The following RPIA variants were observed in gnomAD, a reference collection of about 807,000 sequenced individuals.
The protein encoded by RPIA is ribose-5-phosphate isomerase.
RPIA carries 29 observed loss-of-function variants against 37.8 expected under a neutral mutation model. That is an observed-to-expected ratio of 0.77 (90% confidence interval 0.57 to 1.05). RPIA has a LOEUF of 1.05. Ranked by LOEUF, RPIA falls within the 50% of genes least tolerant of loss-of-function variation. RPIA has a pLI of 0.00. For synonymous variants in RPIA, 167 were observed against 157.0 expected, an observed-to-expected ratio of 1.06 and a Z score of -0.48; for missense variants, 385 against 413.6, an observed-to-expected ratio of 0.93 and a Z score of 0.60.
intron 3 of RPIA, among the ~76,000 whole-genome samples, chr2:88,725,023 G>A (rs985604673): frequency 6.6e-6 from 1 of 152,210 alleles, no homozygotes; most frequent in Non-Finnish European, 1.5e-5. Context: ...ATCATGAGAC[G>A]TTTAGAGGTA....
chr2:88,747,745 G>T (rs1020947596), intron 8 of RPIA, among the ~76,000 whole-genome samples: 5 of 152,278 alleles, frequency 3.3e-5, no homozygotes, highest in South Asian at 2.1e-4. Flanking sequence ...GATTTTTCAG[G>T]TTCCCCGGTG....
At chr2:88,748,707 T>G (rs1165747829) in intron 8 of RPIA, among the ~76,000 whole-genome samples, 1 of 152,152 alleles carries the variant, frequency 6.6e-6, no homozygotes, top group Non-Finnish European at 1.5e-5. Flanking sequence ...TCTTTTAGTT[T>G]TTTCTCTTTC....
chr2:88,728,923 T>C (rs1275326125), intron 3 of RPIA, among the ~76,000 whole-genome samples: 3 of 152,256 alleles, frequency 2.0e-5, no homozygotes, highest in African/African-American at 7.2e-5. Flanking sequence ...TTTAAAACCT[T>C]TGTAGTAAGT....
intron 3 of RPIA, among the ~76,000 whole-genome samples, chr2:88,705,609 A>C (rs1672888574): frequency 1.3e-5 from 2 of 152,218 alleles, no homozygotes; most frequent in African/African-American, 4.8e-5. Flanking sequence ...GAAAAACACT[A>C]TAAAAACCCT....
At chr2:88,705,865 AAAAC>A (rs1573462719) in intron 3 of RPIA, among the ~76,000 whole-genome samples, 2 of 152,232 alleles carry the variant, frequency 1.3e-5, no homozygotes, top group African/African-American at 2.4e-5. Context: ...TTATAAGAAA[AAAAC>A]AAACAGTCCT....
rs775240397 is a variant in RPIA, at chr2:88,691,716, C to T, written c.18C>T (p.Pro6=). 5.0e-6 allele frequency: 8 copies of T among 1,588,434 alleles called. No individual in the cohort carries two copies. Among genetic ancestry groups the T allele is most frequent in the Non-Finnish European group, 6.8e-6 (8 of 1,173,428 alleles). Residue 6 remains proline, a synonymous_variant, in exon 1 of 9, where the codon CCC becomes CCT. Transcript: ENST00000283646. MQRPG[P]FSTLYGRVLA... The stretch of plus-strand genomic sequence containing the variant: ...GCGTCGGGATGCAGCGCCCCGGGCC[C>T]TTCAGCACCCTCTACGGGCGGGTCT...
intron 3 of RPIA, among the ~76,000 whole-genome samples, chr2:88,720,616 TTAAA>T (rs1368165297): frequency 2.0e-4 from 30 of 149,420 alleles, no homozygotes; most frequent in African/African-American, 6.6e-4. Context: ...TAAATATAGT[TTAAA>T]TATATATTAT....
chr2:88,750,372 A>T lies in RPIA; in HGVS notation c.*294A>T. ...AAATATTTACCAAAAAAAAAAAATG[A>T]GGTAAACTGTATTTAAAACCTTTGA... On this transcript the variant is annotated 3_prime_UTR_variant, in exon 9 of 9. Coordinates refer to ENST00000283646, the MANE Select transcript of RPIA (RefSeq NM_144563.3). The T allele has an allele frequency of 7.3e-6, 3 of 413,718 alleles. No homozygotes were observed. The highest frequency in any genetic ancestry group is 8.5e-6 in the Non-Finnish European group (2 of 234,016). The allele number at this position is 413,718 out of a possible 1,614,324, so 25.6% of individuals were successfully genotyped here.
intron 2 of RPIA, 57 bp from the exon 3 acceptor site, chr2:88,699,947 TATGAC>T: frequency 6.4e-7 from 1 of 1,551,410 alleles, no homozygotes; most frequent in Non-Finnish European, 8.9e-7. Context: ...AGCAAACACA[TATGAC>T]AAGAAGAATA....
chr2:88,695,221 T>G (rs1203607143), intron 1 of RPIA, among the ~76,000 whole-genome samples: 1 of 152,178 alleles, frequency 6.6e-6, no homozygotes, highest in Non-Finnish European at 1.5e-5. Flanking sequence ...AGCAAGTTAA[T>G]CAAACCCAAA....
rs746009792 is a variant in RPIA, at chr2:88,736,513, C to T, written c.597-22C>T. 1.2e-5 allele frequency: 20 copies of T among 1,613,896 alleles called. No homozygotes were observed. The Admixed American group carries it at 3.3e-4, about 27-fold the overall frequency. ...GTTGAGCTTATTTACTTTTATTGTA[C>T]TTTCTGACTCCTTCTTTCCAGGAAA... is the stretch of plus-strand genomic sequence containing the variant. On this transcript the variant is annotated intron_variant, in intron 6 of 8. Transcript: ENST00000283646.
chr2:88,706,429 T>A (rs1672898022), intron 3 of RPIA, among the ~76,000 whole-genome samples: 1 of 151,904 alleles, frequency 6.6e-6, no homozygotes, highest in Admixed American at 6.6e-5. Context: ...TGGAAGCCAT[T>A]ATCCTCAGCA....
intron 3 of RPIA, among the ~76,000 whole-genome samples, chr2:88,704,789 G>A (rs1302755337): frequency 2.0e-5 from 3 of 152,198 alleles, no homozygotes; most frequent in African/African-American, 7.2e-5. Flanking sequence ...GTCTCTGTTT[G>A]CAGATGACAT....
At chr2:88,736,700 G>T (rs1573477009) in intron 7 of RPIA, 24 bp downstream of exon 7, 1 of 1,600,348 alleles carries the variant, frequency 6.2e-7, no homozygotes, top group Non-Finnish European at 8.6e-7. Context: ...TTGGGCCGGG[G>T]GTGTGCTGGG....
Position 88,691,715 on chromosome 2 carries a change from C to T in RPIA, c.17C>T (p.Pro6Leu). ...GGCGTCGGGATGCAGCGCCCCGGGC[C>T]CTTCAGCACCCTCTACGGGCGGGTC... MQRPG[P>L]FSTLYGRVLA... The change falls in exon 1 of 9, where the codon CCC (proline) becomes CTC (leucine). Residue 6 changes from proline (P) to leucine (L), a missense_variant. By Grantham distance (98) the Pro-to-Leu change is moderately conservative. Coordinates refer to ENST00000283646, the MANE Select transcript of RPIA (RefSeq NM_144563.3). The T allele has an allele frequency of 2.5e-6, 4 of 1,578,636 alleles. No individual in the cohort carries two copies. The highest frequency in any genetic ancestry group is 3.4e-6 in the Non-Finnish European group (4 of 1,168,750).
chr2:88,718,722 G>T (rs1210109216), intron 3 of RPIA, among the ~76,000 whole-genome samples: 1 of 152,192 alleles, frequency 6.6e-6, no homozygotes, highest in Non-Finnish European at 1.5e-5. Context: ...AATGAAAACA[G>T]ATTCTTATTG....
intron 3 of RPIA, among the ~76,000 whole-genome samples, chr2:88,701,690 C>T (rs1672835016): frequency 6.6e-6 from 1 of 152,290 alleles, no homozygotes; most frequent in Non-Finnish European, 1.5e-5. Flanking sequence ...GACTATAGAT[C>T]AGGGACACAG....
intron 3 of RPIA, among the ~76,000 whole-genome samples, chr2:88,721,975 AG>A (rs1028730261): frequency 6.8e-6 from 1 of 148,142 alleles, no homozygotes; most frequent in Admixed American, 6.7e-5. Context: ...GATCTATAAA[AG>A]TTTTTTTTTT....
intron 3 of RPIA, among the ~76,000 whole-genome samples, chr2:88,716,164 T>C (rs1444128819): frequency 5.3e-5 from 8 of 152,168 alleles, no homozygotes; most frequent in Non-Finnish European, 1.5e-5. Flanking sequence ...GACTAAATTG[T>C]GTATTCAGTG....
Sources: gnomAD v4.1 joint callset for allele counts (sites outside exome capture counted in the v4.1 genomes callset) on GRCh38, gnomAD v4.1.1 for gene constraint, MANE v1.5 for transcripts, NCBI Gene and HGNC (gene_info 2026-07-23, HGNC 2026-07-21) for gene names.